The following XIRP2 variants were observed in gnomAD, a reference collection of about 807,000 sequenced individuals.
XIRP2 encodes the protein xin actin binding repeat containing 2, also known as xin actin-binding repeat-containing protein 2.
In XIRP2, 236 loss-of-function variants were observed where a neutral mutation model predicts 277.0. The ratio of observed to expected loss-of-function variants is 0.85; its 90% CI spans 0.77 to 0.95. XIRP2 has a LOEUF of 0.95. Among genes scored for constraint, XIRP2 ranks in the 40% least tolerant of loss-of-function variants. XIRP2 has a pLI of 0.00. For synonymous variants in XIRP2, 1,490 were observed against 1,416.5 expected, an observed-to-expected ratio of 1.05 and a Z score of -1.17; for missense variants, 4,640 against 4,157.5, an observed-to-expected ratio of 1.12 and a Z score of -3.19.
intron 2 of XIRP2, among the ~76,000 whole-genome samples, chr2:167,019,629 A>G (rs975756649): frequency 1.3e-5 from 2 of 152,118 alleles, no homozygotes; most frequent in African/African-American, 4.8e-5. Flanking sequence ...TTCAAGTCAG[A>G]TTTGCAGTGT....
chr2:167,004,543 G>C (rs577200121), intron 2 of XIRP2, among the ~76,000 whole-genome samples: 1 of 151,974 alleles, frequency 6.6e-6, no homozygotes, highest in East Asian at 1.9e-4. Flanking sequence ...GTAAAAGAAA[G>C]AAGATGTCAT....
At chr2:167,028,964 A>G (rs1688250535) in intron 2 of XIRP2, among the ~76,000 whole-genome samples, 1 of 151,812 alleles carries the variant, frequency 6.6e-6, no homozygotes, top group Non-Finnish European at 1.5e-5. Context: ...AGAATTGATC[A>G]AGCAGAAGAA....
At chr2:167,234,884 C>G (rs766707914) in intron 5 of XIRP2, among the ~76,000 whole-genome samples, 211 of 151,608 alleles carry the variant, frequency 1.4e-3, no homozygotes, top group Non-Finnish European at 1.4e-3. Context: ...GTAATTCTGC[C>G]CAATGCATCC....
intron 2 of XIRP2, among the ~76,000 whole-genome samples, chr2:166,963,724 A>C (rs1686357387): frequency 6.6e-6 from 1 of 151,856 alleles, no homozygotes; most frequent in Non-Finnish European, 1.5e-5. Context: ...AGCAGAGCAA[A>C]GAAGAGCACT....
At chr2:167,009,774 G>C (rs1256528052) in intron 2 of XIRP2, among the ~76,000 whole-genome samples, 3 of 151,950 alleles carry the variant, frequency 2.0e-5, no homozygotes, top group African/African-American at 7.3e-5. Context: ...GTGTGAGATG[G>C]TATCTCATTG....
chr2:166,954,671 A>C (rs1302165554), intron 2 of XIRP2, among the ~76,000 whole-genome samples: 1 of 151,986 alleles, frequency 6.6e-6, no homozygotes, highest in Non-Finnish European at 1.5e-5. Context: ...ATTAACCCAA[A>C]TGCCCATCAG....
chr2:166,946,852 G>C (rs759005102), intron 2 of XIRP2, among the ~76,000 whole-genome samples: 26 of 152,114 alleles, frequency 1.7e-4, no homozygotes, highest in Non-Finnish European at 3.7e-4. Context: ...ATATAAAACT[G>C]GTTTAATATC....
At chr2:167,006,793 T>A (rs1415978460) in intron 2 of XIRP2, among the ~76,000 whole-genome samples, 1 of 151,756 alleles carries the variant, frequency 6.6e-6, no homozygotes, top group Non-Finnish European at 1.5e-5. Flanking sequence ...GATTATAATA[T>A]TTTTTCTTCT....
At chr2:167,147,303 T>C (rs1464258248) in intron 3 of XIRP2, among the ~76,000 whole-genome samples, 2 of 152,168 alleles carry the variant, frequency 1.3e-5, no homozygotes, top group Non-Finnish European at 2.9e-5. Flanking sequence ...GCAAACCCTG[T>C]ATCTCCAAAG....
chr2:167,130,821 C>G (rs1574281558), intron 2 of XIRP2, among the ~76,000 whole-genome samples: 2 of 152,062 alleles, frequency 1.3e-5, no homozygotes, highest in East Asian at 1.9e-4. Context: ...CAAAACCGCT[C>G]CCTGGCTGAA....
chr2:167,097,939 C>T (rs1447492051), intron 2 of XIRP2, among the ~76,000 whole-genome samples: 1 of 152,206 alleles, frequency 6.6e-6, no homozygotes, highest in East Asian at 1.9e-4. Flanking sequence ...ATGGGCTTCC[C>T]TTTGTGGGTA....
At chr2:167,253,517 A>G (rs541485392) in intron 9 of XIRP2, among the ~76,000 whole-genome samples, 2 of 151,966 alleles carry the variant, frequency 1.3e-5, no homozygotes, top group Admixed American at 6.6e-5. Flanking sequence ...AAGCAAATAC[A>G]GTGTCCTTGG....
rs374700702 is a variant in XIRP2 at position 167,244,883 on chromosome 2, C to T, written c.3491C>T (p.Thr1164Ile). 1.3e-5 allele frequency: 21 copies of T among 1,613,022 alleles called. No homozygotes were observed. In the African/African-American group the frequency reaches 2.3e-4, roughly 17 times the overall value. Residue 1164 changes from threonine (T) to isoleucine (I), a missense_variant, in exon 9 of 11, where the codon ACA (threonine) becomes ATA (isoleucine). Coordinates refer to ENST00000409195, the MANE Select transcript of XIRP2 (RefSeq NM_152381.6). Reference protein sequence around the residue: ...QEEIQGGDVRTACFLFETENL... With the variant: ...QEEIQGGDVRIACFLFETENL... The stretch of plus-strand genomic sequence containing the variant: ...GAGATCCAAGGTGGGGATGTTCGTA[C>T]AGCATGTTTTCTTTTTGAGACAGAA...
intron 3 of XIRP2, among the ~76,000 whole-genome samples, chr2:167,207,664 A>C (rs963316857): frequency 2.0e-5 from 3 of 152,192 alleles, no homozygotes; most frequent in Non-Finnish European, 2.9e-5. Flanking sequence ...AGAAAAGCAT[A>C]TATGTTTGAG....
chr2:167,060,526 A>G (rs1343387934), intron 2 of XIRP2, among the ~76,000 whole-genome samples: 2 of 152,132 alleles, frequency 1.3e-5, no homozygotes, highest in African/African-American at 2.4e-5. Flanking sequence ...TTTTGTATAT[A>G]TAGTGTGAAA....
At chr2:167,096,636 A>G (rs1416037128) in intron 2 of XIRP2, among the ~76,000 whole-genome samples, 1 of 151,662 alleles carries the variant, frequency 6.6e-6, no homozygotes, top group Non-Finnish European at 1.5e-5. Context: ...TTTAATTTTG[A>G]TGTTAGAATG....
At chr2:167,101,872 A>C (rs1037701775) in intron 2 of XIRP2, among the ~76,000 whole-genome samples, 4 of 152,204 alleles carry the variant, frequency 2.6e-5, no homozygotes. Flanking sequence ...ATATTAATAT[A>C]TAGGATATTT....
chr2:167,227,012 C>T (rs1222629522), intron 5 of XIRP2, among the ~76,000 whole-genome samples: 1 of 152,082 alleles, frequency 6.6e-6, no homozygotes, highest in African/African-American at 2.4e-5. Context: ...GATCAAGGAG[C>T]AGGGGGATTT....
At chr2:167,011,559 T>A (rs1050830017) in intron 2 of XIRP2, among the ~76,000 whole-genome samples, 6 of 152,088 alleles carry the variant, frequency 3.9e-5, no homozygotes, top group South Asian at 2.1e-4. Flanking sequence ...TCTGCCAGGC[T>A]TTGGTATCAG....
Sources: allele counts gnomAD v4.1 joint callset (sites outside exome capture counted in the v4.1 genomes callset), GRCh38; gene constraint gnomAD v4.1.1; transcripts MANE v1.5; gene names NCBI Gene and HGNC (gene_info 2026-07-23, HGNC 2026-07-21).